ADCY3: variants seen among roughly 807,000 people sequenced by gnomAD.
ADCY3 encodes the protein adenylate cyclase 3.
ADCY3 carries 70 observed loss-of-function variants against 119.4 expected under a neutral mutation model. That is an observed-to-expected ratio of 0.59 (90% CI 0.48 to 0.72). The LOEUF is 0.72. ADCY3 is among the 30% of genes least tolerant of loss of function. The pLI is 0.00. For synonymous variants in ADCY3, 672 were observed against 621.4 expected (o/e 1.08, Z -1.21); for missense variants, 1,238 against 1,541.6 (o/e 0.80, Z 3.30).
chr2:24,868,467 T>C (rs1674578708), intron 3 of ADCY3, among the ~76,000 whole-genome samples: 1 of 151,080 alleles, frequency 6.6e-6, no homozygotes, highest in African/African-American at 2.4e-5. Context: ...CTGACCAACG[T>C]GGTGAAACCC....
At chr2:24,820,172 G>A (rs756262737) in intron 21 of ADCY3, 58 bp from the exon 22 acceptor site, 63 of 1,325,192 alleles carry the variant, frequency 4.8e-5, no homozygotes, top group Admixed American at 9.4e-5. Flanking sequence ...GACTGAGGGC[G>A]GGTGGGGGCT....
At chr2:24,892,825 T>C (rs1677837227) in intron 2 of ADCY3, among the ~76,000 whole-genome samples, 1 of 152,060 alleles carries the variant, frequency 6.6e-6, no homozygotes, top group South Asian at 2.1e-4. Context: ...CCATCTTTAT[T>C]TATTTATTTA....
intron 21 of ADCY3, 117 bp from the exon 22 acceptor site, chr2:24,820,231 G>T: frequency 8.2e-7 from 1 of 1,214,082 alleles, no homozygotes; most frequent in Non-Finnish European, 1.1e-6. Flanking sequence ...AGCAGTACGG[G>T]ACACTCCCCA....
At chr2:24,840,564 A>T in intron 6 of ADCY3, 1 of 468,150 alleles carries the variant, frequency 2.1e-6, no homozygotes, top group Non-Finnish European at 4.4e-6. Context: ...CCCTCGGAGA[A>T]GGGGGTAAAG....
chr2:24,856,438 G>T (rs568161193), intron 3 of ADCY3, among the ~76,000 whole-genome samples: 3 of 152,172 alleles, frequency 2.0e-5, no homozygotes, highest in Admixed American at 2.0e-4. Context: ...GATTAATCCA[G>T]ATTCTTAGAG....
intron 2 of ADCY3, among the ~76,000 whole-genome samples, chr2:24,877,620 C>G (rs527306913): frequency 6.6e-6 from 1 of 152,296 alleles, no homozygotes; most frequent in East Asian, 1.9e-4. Context: ...AAGACGTGAG[C>G]ATTAAAGAAA....
chr2:24,833,385 C>T (rs1558422061), intron 11 of ADCY3, among the ~76,000 whole-genome samples: 1 of 152,200 alleles, frequency 6.6e-6, no homozygotes, highest in Non-Finnish European at 1.5e-5. Flanking sequence ...AGGTGTCCCC[C>T]AGATAGGAGA....
chr2:24,888,675 T>G (rs749479950), intron 2 of ADCY3, among the ~76,000 whole-genome samples: 10 of 152,220 alleles, frequency 6.6e-5, no homozygotes, highest in African/African-American at 2.4e-4. Context: ...GCAATTAGTA[T>G]TTCTTGGCTC....
intron 3 of ADCY3, among the ~76,000 whole-genome samples, chr2:24,868,138 A>G (rs756972182): frequency 6.6e-6 from 1 of 152,240 alleles, no homozygotes; most frequent in African/African-American, 2.4e-5. Flanking sequence ...TTCTCTGACC[A>G]GAATAAAGAT....
chr2:24,902,513 C>G (rs1273207275), intron 2 of ADCY3, among the ~76,000 whole-genome samples: 1 of 152,122 alleles, frequency 6.6e-6, no homozygotes, highest in African/African-American at 2.4e-5. Flanking sequence ...CTCTCCCAGC[C>G]CCGTGGAGTG....
chr2:24,875,741 C>A (rs1457271154), intron 2 of ADCY3, among the ~76,000 whole-genome samples: 2 of 152,236 alleles, frequency 1.3e-5, no homozygotes, highest in African/African-American at 2.4e-5. Context: ...TAGACACAAG[C>A]ACGCACTTTA....
intron 13 of ADCY3, among the ~76,000 whole-genome samples, chr2:24,830,331 G>A (rs575169531): frequency 9.2e-5 from 14 of 152,250 alleles, no homozygotes; most frequent in Admixed American, 7.8e-4. Context: ...GAGCTACCGC[G>A]CCCAACCAAT....
chr2:24,914,732 G>A (rs1211466222), intron 2 of ADCY3, among the ~76,000 whole-genome samples: 2 of 151,020 alleles, frequency 1.3e-5, no homozygotes, highest in Non-Finnish European at 2.9e-5. Context: ...TGGGTCGTGA[G>A]AACCATTGGC....
At chr2:24,877,036 G>A (rs979647381) in intron 2 of ADCY3, among the ~76,000 whole-genome samples, 6 of 152,136 alleles carry the variant, frequency 3.9e-5, no homozygotes, top group African/African-American at 1.4e-4. Context: ...GCAGGCTCCT[G>A]TCCACCTGGG....
intron 3 of ADCY3, among the ~76,000 whole-genome samples, chr2:24,851,278 G>A (rs1672261080): frequency 6.6e-6 from 1 of 152,104 alleles, no homozygotes; most frequent in African/African-American, 2.4e-5. Flanking sequence ...GGTGGGGGAA[G>A]GCAGTGGTCC....
intron 17 of ADCY3, among the ~76,000 whole-genome samples, chr2:24,823,556 A>G (rs367659580): frequency 6.6e-6 from 1 of 151,022 alleles, no homozygotes. Context: ...CAGTGGCAGT[A>G]AACAAGCACA....
intron 7 of ADCY3, chr2:24,838,949 T>G (rs1268224767): frequency 7.1e-7 from 1 of 1,416,208 alleles, no homozygotes; most frequent in Non-Finnish European, 9.5e-7. Flanking sequence ...GAATTTTTTT[T>G]TTTTTTTTTT....
rs1678716241 is a variant in ADCY3 at position 24,899,928 on chromosome 2, T to C, written c.675+18385A>G. Among the ~76,000 whole-genome samples, 1 of 152,146 alleles carries C rather than the reference T, an allele frequency of 6.6e-6. No individual in the cohort carries two copies. The highest frequency in any genetic ancestry group is 6.5e-5 in the Admixed American group (1 of 15,268). The stretch of plus-strand genomic sequence containing the variant: ...AGGTTGAATTATTTTCTTACAATAG[T>C]GCTTCATAATATAGAAGAAAACTGA... On this transcript the variant is annotated intron_variant, in intron 2 of 21. Coordinates refer to ENST00000679454, the MANE Select transcript of ADCY3 (RefSeq NM_004036.5). This position sits in a 1 kb window ranked among gnomAD's most constrained non-coding sequence, Gnocchi z 4.5.
intron 3 of ADCY3, among the ~76,000 whole-genome samples, chr2:24,859,050 G>A (rs1673335765): frequency 6.6e-6 from 1 of 152,208 alleles, no homozygotes; most frequent in African/African-American, 2.4e-5. Context: ...GCATTATGGG[G>A]AACGCACCTG....
Sources: gnomAD v4.1 joint callset for allele counts (sites outside exome capture counted in the v4.1 genomes callset) on GRCh38, gnomAD v4.1.1 for gene constraint, Gnocchi (gnomAD v3.1) non-coding constraint, MANE v1.5 for transcripts, NCBI Gene and HGNC (gene_info 2026-07-23, HGNC 2026-07-21) for gene names.